Variants in CLEC4D observed in about 807,000 individuals in gnomAD.
The protein encoded by CLEC4D is C-type lectin domain family 4 member D, also known as C-type (calcium dependent, carbohydrate-recognition domain) lectin, superfamily member 8.
A neutral mutation model predicts 21.1 loss-of-function variants in CLEC4D; 21 were observed. The observed-to-expected ratio is 1.00, with a 90% CI of 0.71 to 1.43. The LOEUF (loss-of-function observed/expected upper bound fraction) is 1.43. Ranked by LOEUF, CLEC4D falls within the 40% of genes most tolerant of loss-of-function variation. The pLI is 0.00. For synonymous variants in CLEC4D, 85 were observed against 83.1 expected (o/e 1.02, Z -0.12); for missense variants, 289 against 260.7 (o/e 1.11, Z -0.75).
chr12:8,527,345 G>C (rs781393630), downstream of CLEC4D, among the ~76,000 whole-genome samples: 34 of 152,320 alleles, frequency 2.2e-4, no homozygotes, highest in Admixed American at 2.0e-3. Flanking sequence ...CTCTCCCTAG[G>C]GGCCCAGGCC....
rs1565492801 is a variant in CLEC4D, at chr12:8,521,243, G to A, written c.620G>A (p.Cys207Tyr). The change falls in exon 6 of 6, where the codon TGT becomes TAT. Residue 207 changes from cysteine to tyrosine, a missense_variant. Physicochemically the swap from Cys to Tyr is radical, Grantham distance 194. Transcript: ENST00000299665. The part of the protein sequence containing the change: ...VPCNFEASRI[C>Y]KIPGTTLN The stretch of plus-strand genomic sequence containing the variant: ...TGTAACTTTGAAGCAAGTAGGATTT[G>A]TAAAATACCTGGAACAACATTGAAC... 1 of 1,612,540 alleles carries A rather than the reference G, an allele frequency of 6.2e-7. No homozygotes were observed. Among genetic ancestry groups the A allele is most frequent in the East Asian group, 2.2e-5 (1 of 44,816 alleles).
chr12:8,528,451 T>G, the CLEC4D span, among the ~76,000 whole-genome samples: 2 of 152,164 alleles, frequency 1.3e-5, no homozygotes, highest in African/African-American at 4.8e-5. Context: ...TTTATAAATT[T>G]CTAGTCTCAG....
At chr12:8,522,850 A>T (rs1456948569), downstream of CLEC4D, among the ~76,000 whole-genome samples, 1 of 152,138 alleles carries the variant, frequency 6.6e-6, no homozygotes, top group Non-Finnish European at 1.5e-5. Context: ...TAAGTCTTTA[A>T]TCCATCTTGA....
downstream of CLEC4D, among the ~76,000 whole-genome samples, chr12:8,524,648 G>A (rs755120694): frequency 6.6e-6 from 1 of 152,088 alleles, no homozygotes; most frequent in African/African-American, 2.4e-5. Context: ...CAAAAAACCA[G>A]CTCCAGGATT....
intron 1 of CLEC4D, among the ~76,000 whole-genome samples, chr12:8,514,441 T>C (rs1446000618): frequency 6.6e-6 from 1 of 152,130 alleles, no homozygotes; most frequent in Non-Finnish European, 1.5e-5. Context: ...GATTACAGTA[T>C]GTGTTTTCTA....
chr12:8,514,116 T>G (rs1189624875), intron 1 of CLEC4D, among the ~76,000 whole-genome samples: 2 of 152,184 alleles, frequency 1.3e-5, no homozygotes, highest in Non-Finnish European at 2.9e-5. Flanking sequence ...TGTCCCATTT[T>G]ATGTTTGACT....
the CLEC4D span, among the ~76,000 whole-genome samples, chr12:8,530,213 C>G: frequency 5.3e-5 from 8 of 152,142 alleles, no homozygotes; most frequent in South Asian, 1.5e-3. Flanking sequence ...CCTGTAGCAA[C>G]TATTAGATTT....
Position 8,517,154 on chromosome 12 carries a change from C to T in CLEC4D, c.122-1010C>T, listed in dbSNP as rs147190929. 3.6e-3 allele frequency among the ~76,000 whole-genome samples: 551 copies of T among 152,270 alleles called. 7 individuals are homozygous for T. Among genetic ancestry groups the T allele is most frequent in the African/African-American group, 0.013 (531 of 41,552 alleles). ...TTACCTATAAAGGCGAGGGAGTGAG[C>T]TGCCTTTGAGATGTGAAGGCTATCT... is the stretch of plus-strand genomic sequence containing the variant. On this transcript the variant is annotated intron_variant, in intron 2 of 5. Coordinates refer to ENST00000299665, the MANE Select transcript of CLEC4D (RefSeq NM_080387.5).
Position 8,518,280 on chromosome 12 carries a change from G to C in CLEC4D, c.232+6G>C. ...AGAACTGAAAAGTGCTGAAGGTACA[G>C]AGTGTAAGATAATTTCTTTTTTAAT... On this transcript the variant is annotated splice_donor_region_variant and intron_variant, in intron 3 of 5. Coordinates refer to ENST00000299665, the MANE Select transcript of CLEC4D (RefSeq NM_080387.5). 9.9e-7 allele frequency: 1 copy of C among 1,006,222 alleles called. No homozygotes were observed. Among genetic ancestry groups the C allele is most frequent in the Non-Finnish European group, 1.6e-6 (1 of 632,076 alleles). 62.3% of individuals were successfully genotyped at this position (1,006,222 alleles called of 1,614,324 possible). A position where few individuals can be genotyped will look rare whatever the true frequency, so the allele number is the denominator to read the frequency against.
In CLEC4D at chr12:8,519,035, G is replaced by A. The variant is rs1169943327; in HGVS notation, c.259G>A (p.Asp87Asn). ...GAGCACCTGGAACTGTTGTCCTATT[G>A]ACTGGAGAGCCTTCCAGTCCAACTG... ...EGSTWNCCPI[D>N]WRAFQSNCYF... The change falls in exon 4 of 6, where the codon GAC becomes AAC. Residue 87 changes from aspartate (D) to asparagine (N), a missense_variant. By Grantham distance (23) the Asp-to-Asn change is conservative. Transcript: ENST00000299665. 6.2e-7 allele frequency: 1 copy of A among 1,613,970 alleles called. No individual in the cohort carries two copies. The highest frequency in any genetic ancestry group is 1.7e-5 in the Admixed American group (1 of 59,992).
In CLEC4D at chr12:8,520,298, C is replaced by T; in HGVS notation, c.457C>T (p.Gln153Ter). ...ACTTAGAGATGAGAATGCCAAAGGTCAGTGGCGTTGGGTGGACCAGACGCC... is the reference window on the plus strand; with the variant it reads ...ACTTAGAGATGAGAATGCCAAAGGTTAGTGGCGTTGGGTGGACCAGACGCC... ...LGLRDENAKG[Q>*]WRWVDQTPFN... is the part of the protein sequence containing the mutation. Residue 153 changes from glutamine to a stop codon, truncating the protein, a stop_gained, in exon 5 of 6, where the codon CAG (glutamine) becomes TAG (stop). Transcript: ENST00000299665. LOFTEE classifies it low-confidence loss of function (END_TRUNC). 6 of 1,613,976 alleles carry T rather than the reference C, an allele frequency of 3.7e-6. No homozygotes were observed. Among genetic ancestry groups the T allele is most frequent in the Non-Finnish European group, 4.2e-6 (5 of 1,179,898 alleles).
intron 1 of CLEC4D, among the ~76,000 whole-genome samples, chr12:8,514,792 C>T (rs1940354809): frequency 6.6e-6 from 1 of 152,100 alleles, no homozygotes; most frequent in African/African-American, 2.4e-5. Flanking sequence ...TTTATAACTT[C>T]AGCAAATTAA....
chr12:8,519,129 A>G lies in CLEC4D; in HGVS notation c.353A>G (p.His118Arg). 14 of 1,614,104 alleles carry G rather than the reference A, an allele frequency of 8.7e-6. No individual in the cohort carries two copies. The highest frequency in any genetic ancestry group is 1.3e-5 in the African/African-American group (1 of 75,038). ...SERNCSGMGA[H>R]LMTISTEAEQ... ...AGGAACTGTTCAGGGATGGGGGCCC[A>G]TCTGATGACCATCAGCACGGAAGCT... Residue 118 changes from histidine (H) to arginine (R), a missense_variant, in exon 4 of 6, where the codon CAT becomes CGT. Transcript: ENST00000299665.
At chr12:8,516,662 A>G (rs1181369712) in intron 2 of CLEC4D, among the ~76,000 whole-genome samples, 2 of 152,252 alleles carry the variant, frequency 1.3e-5, no homozygotes, top group African/African-American at 2.4e-5. Context: ...GTGGAGTTTA[A>G]GCATTACAGT....
chr12:8,514,775 G>A (rs921478461), intron 1 of CLEC4D, among the ~76,000 whole-genome samples: 15 of 152,072 alleles, frequency 9.9e-5, no homozygotes, highest in African/African-American at 3.1e-4. Flanking sequence ...TGTTTGATTA[G>A]TGGCTATTTA....
the CLEC4D span, among the ~76,000 whole-genome samples, chr12:8,531,504 A>G: frequency 6.6e-6 from 1 of 152,178 alleles, no homozygotes; most frequent in African/African-American, 2.4e-5. Context: ...TAAAGGCTGT[A>G]ACATTCTTGA....
At position 8,519,142 on chromosome 12, in the gene CLEC4D, C is replaced by T. The variant is rs981623998; in HGVS notation, c.366C>T (p.Ile122=). 1 of 1,613,894 alleles carries T rather than the reference C, an allele frequency of 6.2e-7. No individual in the cohort carries two copies. Among genetic ancestry groups the T allele is most frequent in the African/African-American group, 1.3e-5 (1 of 74,912 alleles). The change falls in exon 4 of 6, where the codon ATC becomes ATT. Residue 122 remains isoleucine (I), a synonymous_variant. Coordinates refer to ENST00000299665, the MANE Select transcript of CLEC4D (RefSeq NM_080387.5). ...GGATGGGGGCCCATCTGATGACCAT[C>T]AGCACGGAAGCTGAGCAGGTGTGTT... The part of the protein sequence containing the change: ...CSGMGAHLMT[I]STEAEQNFII...
Position 8,519,063 on chromosome 12 carries a change from A to C in CLEC4D, c.287A>C (p.Tyr96Ser). Residue 96 changes from tyrosine (Y) to serine (S), a missense_variant, in exon 4 of 6, where the codon TAT (tyrosine) becomes TCT (serine). Transcript: ENST00000299665. ...TGGAGAGCCTTCCAGTCCAACTGCTATTTTCCTCTTACTGACAACAAGACG... is the reference window on the plus strand; with the variant it reads ...TGGAGAGCCTTCCAGTCCAACTGCTCTTTTCCTCTTACTGACAACAAGACG... The part of the protein sequence containing the change: ...IDWRAFQSNC[Y>S]FPLTDNKTWA... 1 of 1,614,112 alleles carries C rather than the reference A, an allele frequency of 6.2e-7. No individual in the cohort carries two copies. Among genetic ancestry groups the C allele is most frequent in the East Asian group, 2.2e-5 (1 of 44,882 alleles).
chr12:8,514,315 T>C (rs762962823), intron 1 of CLEC4D, among the ~76,000 whole-genome samples: 3 of 152,224 alleles, frequency 2.0e-5, no homozygotes, highest in Admixed American at 1.3e-4. Context: ...TTCTTAGAGA[T>C]TTTTTGCATC....
Sources: allele counts gnomAD v4.1 joint callset (sites outside exome capture counted in the v4.1 genomes callset), GRCh38; gene constraint gnomAD v4.1.1; transcripts MANE v1.5; gene names NCBI Gene and HGNC (gene_info 2026-07-23, HGNC 2026-07-21).